The following RAB22A variants were observed in gnomAD, a reference collection of about 807,000 sequenced individuals.
The protein encoded by RAB22A is RAB22A, member RAS oncogene family.
RAB22A carries 13 observed loss-of-function variants against 30.2 expected under a neutral mutation model. That is an observed-to-expected ratio of 0.43 (90% confidence interval 0.28 to 0.68). The LOEUF (loss-of-function observed/expected upper bound fraction) is 0.68, where lower values mean the gene tolerates loss of function less well. RAB22A is among the 30% of genes least tolerant of loss of function. RAB22A has a pLI of 0.18. For missense variants in RAB22A, 177 were observed against 246.8 expected (o/e 0.72, Z 1.89); for synonymous variants, 89 against 87.2 (o/e 1.02, Z -0.11).
chr20:58,327,087 G>A (rs1600728063), intron 2 of RAB22A, among the ~76,000 whole-genome samples: 2 of 152,162 alleles, frequency 1.3e-5, no homozygotes, highest in African/African-American at 4.8e-5. Context: ...TGGGAGGAAC[G>A]CTTGAGACCA....
chr20:58,343,609 C>T (rs548916534), intron 2 of RAB22A, 109 bp from the exon 3 acceptor site: 7 of 751,654 alleles, frequency 9.3e-6, no homozygotes, highest in Admixed American at 8.8e-5. Flanking sequence ...TAGGATACAG[C>T]GTGGTGCTGG....
intron 2 of RAB22A, among the ~76,000 whole-genome samples, chr20:58,313,446 C>T (rs1272399990): frequency 6.6e-6 from 1 of 152,112 alleles, no homozygotes; most frequent in Admixed American, 6.5e-5. Context: ...TCTTCCTCAG[C>T]CCTATCATCT....
chr20:58,354,097 G>A, intron 5 of RAB22A, 59 bp from the exon 6 acceptor site: 3 of 1,233,808 alleles, frequency 2.4e-6, no homozygotes, highest in Non-Finnish European at 3.5e-6. Context: ...CTGGGTAGGT[G>A]GGGGTACAAC....
At chr20:58,313,409 C>G (rs1321528299) in intron 2 of RAB22A, among the ~76,000 whole-genome samples, 1 of 152,130 alleles carries the variant, frequency 6.6e-6, no homozygotes, top group Non-Finnish European at 1.5e-5. Flanking sequence ...AGCTCTGGAG[C>G]CCCACCTCTT....
chr20:58,311,036 C>G lies in RAB22A; in HGVS notation c.37-7C>G. 1 of 1,593,350 alleles carries G rather than the reference C, an allele frequency of 6.3e-7. No homozygotes were observed. The highest frequency in any genetic ancestry group is 8.6e-7 in the Non-Finnish European group (1 of 1,161,124). On this transcript the variant is annotated splice_region_variant and splice_polypyrimidine_tract_variant and intron_variant, in intron 1 of 6. Transcript: ENST00000244040. ...TTTTCTCAGTCCCTCATCTCGTTCTCTTTCAGGATACAGGTGTAGGTAAAT... is the reference window on the plus strand; with the variant it reads ...TTTTCTCAGTCCCTCATCTCGTTCTGTTTCAGGATACAGGTGTAGGTAAAT...
chr20:58,340,084 T>C (rs1031018926), intron 2 of RAB22A, among the ~76,000 whole-genome samples: 1 of 152,098 alleles, frequency 6.6e-6, no homozygotes. Flanking sequence ...CAGAAATGCA[T>C]TGTGGGGTTG....
intron 1 of RAB22A, 133 bp from the exon 2 acceptor site, chr20:58,310,910 T>C: frequency 1.4e-6 from 1 of 722,866 alleles, no homozygotes; most frequent in Non-Finnish European, 2.4e-6. Flanking sequence ...CAACCGCTTT[T>C]GTGTTCCTCC....
At chr20:58,335,726 C>T (rs2122950034) in intron 2 of RAB22A, among the ~76,000 whole-genome samples, 1 of 152,246 alleles carries the variant, frequency 6.6e-6, no homozygotes, top group Middle Eastern at 3.4e-3. Context: ...AATATTGAAA[C>T]ATATGACTGT....
chr20:58,315,902 TTGA>T (rs1986327346), intron 2 of RAB22A, among the ~76,000 whole-genome samples: 1 of 152,072 alleles, frequency 6.6e-6, no homozygotes, highest in Admixed American at 6.6e-5. Flanking sequence ...AAAGACAAGT[TTGA>T]TCCCCTCAGT....
chr20:58,331,282 C>T (rs1424941972), intron 2 of RAB22A, among the ~76,000 whole-genome samples: 1 of 151,304 alleles, frequency 6.6e-6, no homozygotes, highest in East Asian at 1.9e-4. Flanking sequence ...ACTCCAGTCA[C>T]TATCACCACA....
intron 2 of RAB22A, among the ~76,000 whole-genome samples, chr20:58,319,834 G>A (rs1236058932): frequency 2.0e-5 from 3 of 152,072 alleles, no homozygotes. Context: ...TTTTTGTCAT[G>A]AATTGTGTTG....
At chr20:58,356,838 C>T (rs762017936) in intron 6 of RAB22A, among the ~76,000 whole-genome samples, 39 of 152,176 alleles carry the variant, frequency 2.6e-4, no homozygotes, top group African/African-American at 7.9e-4. Context: ...CTGGTTTGTG[C>T]GTGTGAGTGT....
intron 2 of RAB22A, among the ~76,000 whole-genome samples, chr20:58,334,654 G>A (rs568935371): frequency 2.0e-5 from 3 of 151,464 alleles, no homozygotes; most frequent in South Asian, 4.2e-4. Context: ...ATTTTTGATG[G>A]ACTCCGTGAT....
At chr20:58,331,934 A>G (rs1026563439) in intron 2 of RAB22A, among the ~76,000 whole-genome samples, 6 of 152,200 alleles carry the variant, frequency 3.9e-5, no homozygotes, top group African/African-American at 1.4e-4. Flanking sequence ...CTCCTCGGTC[A>G]TCCCCAAGTA....
At chr20:58,319,926 G>C (rs540626134) in intron 2 of RAB22A, among the ~76,000 whole-genome samples, 85 of 152,184 alleles carry the variant, frequency 5.6e-4, no homozygotes, top group African/African-American at 2.0e-3. Context: ...TACAACCATT[G>C]AGAGTTTAAT....
At position 58,366,717 on chromosome 20, in the gene RAB22A, C is replaced by T. The variant is rs1568685995; in HGVS notation, c.*7014C>T. 1 of 152,222 alleles carries T rather than the reference C, an allele frequency of 6.6e-6. No individual in the cohort carries two copies. Among genetic ancestry groups the T allele is most frequent in the Non-Finnish European group, 1.5e-5 (1 of 68,044 alleles). The allele number at this position is 152,222 out of a possible 1,614,324, so 9.4% of individuals were successfully genotyped here. A position where few individuals can be genotyped will look rare whatever the true frequency, so the allele number is the denominator to read the frequency against. ...CTGCTTCAGAAAGAGAATAGCAGCG[C>T]TCGCTTACCGTGGGAACACGGCCAG... On this transcript the variant is annotated 3_prime_UTR_variant, in exon 7 of 7. Coordinates refer to ENST00000244040, the MANE Select transcript of RAB22A (RefSeq NM_020673.3).
At chr20:58,319,485 T>C (rs1277455039) in intron 2 of RAB22A, among the ~76,000 whole-genome samples, 1 of 152,214 alleles carries the variant, frequency 6.6e-6, no homozygotes, top group African/African-American at 2.4e-5. Context: ...TGGAATCAGA[T>C]AGTGTATGTC....
intron 6 of RAB22A, among the ~76,000 whole-genome samples, chr20:58,358,812 T>C (rs1987176264): frequency 6.6e-6 from 1 of 151,888 alleles, no homozygotes; most frequent in Non-Finnish European, 1.5e-5. Flanking sequence ...GGAGAATCGC[T>C]TGAACCTAGG....
chr20:58,343,930 G>A, intron 3 of RAB22A, 131 bp downstream of exon 3: 1 of 759,478 alleles, frequency 1.3e-6, no homozygotes, highest in Non-Finnish European at 2.2e-6. Context: ...ATTTCCATTT[G>A]CGTAGGCCAG....
Sources: gnomAD v4.1 joint callset for allele counts (sites outside exome capture counted in the v4.1 genomes callset) on GRCh38, gnomAD v4.1.1 for gene constraint, MANE v1.5 for transcripts, NCBI Gene and HGNC (gene_info 2026-07-23, HGNC 2026-07-21) for gene names.